The following HHAT variants were observed in gnomAD, a reference collection of about 807,000 sequenced individuals.
HHAT encodes the protein hedgehog acyltransferase, also known as protein-cysteine N-palmitoyltransferase HHAT.
HHAT carries 47 observed loss-of-function variants against 70.8 expected under a neutral mutation model. That is an observed-to-expected ratio of 0.66 (90% CI 0.53 to 0.85). The LOEUF (loss-of-function observed/expected upper bound fraction) is 0.85. Ranked by LOEUF, HHAT falls within the 40% of genes least tolerant of loss-of-function variation. The pLI, the probability that HHAT is intolerant of heterozygous loss-of-function variation, is 0.00. For missense variants in HHAT, 609 were observed against 604.8 expected (o/e 1.01, Z -0.07); for synonymous variants, 228 against 247.6 (o/e 0.92, Z 0.74).
At chr1:210,489,534 G>A (rs1332175857) in intron 8 of HHAT, among the ~76,000 whole-genome samples, 9 of 152,194 alleles carry the variant, frequency 5.9e-5, no homozygotes, top group African/African-American at 2.2e-4. Flanking sequence ...TCCCCACGTT[G>A]TTATTATTTT....
At chr1:210,468,037 TG>T (rs1229948947) in intron 8 of HHAT, among the ~76,000 whole-genome samples, 2 of 152,210 alleles carry the variant, frequency 1.3e-5, no homozygotes, top group African/African-American at 2.4e-5. Context: ...TAGAACCTGA[TG>T]GGTTTGTTTT....
At chr1:210,531,617 C>G (rs899821606) in intron 9 of HHAT, among the ~76,000 whole-genome samples, 1 of 152,152 alleles carries the variant, frequency 6.6e-6, no homozygotes, top group African/African-American at 2.4e-5. Flanking sequence ...GATAAATTTG[C>G]TAATGTATGT....
chr1:210,571,578 C>T (rs1242857345), intron 9 of HHAT, among the ~76,000 whole-genome samples: 1 of 152,190 alleles, frequency 6.6e-6, no homozygotes, highest in Non-Finnish European at 1.5e-5. Context: ...ATCTTCTCTG[C>T]CTGCCTTTCT....
chr1:210,363,273 C>G (rs916249915), intron 3 of HHAT, among the ~76,000 whole-genome samples: 2 of 152,214 alleles, frequency 1.3e-5, no homozygotes, highest in African/African-American at 2.4e-5. Flanking sequence ...GCAGGAACAT[C>G]TTCCTTCTGG....
chr1:210,409,944 A>C (rs2092468546), intron 6 of HHAT, among the ~76,000 whole-genome samples: 3 of 152,174 alleles, frequency 2.0e-5, no homozygotes, highest in Admixed American at 2.0e-4. Flanking sequence ...CTAGGTTTGA[A>C]ATGTCTTAAA....
intron 10 of HHAT, chr1:210,589,108 G>A (rs915226368): frequency 2.6e-5 from 4 of 152,174 alleles, no homozygotes; most frequent in Non-Finnish European, 4.4e-5. Flanking sequence ...CAGTGTTCAT[G>A]GCAGGCAATC....
chr1:210,501,257 G>A (rs1272627031), intron 8 of HHAT, among the ~76,000 whole-genome samples: 2 of 152,144 alleles, frequency 1.3e-5, no homozygotes, highest in Non-Finnish European at 1.5e-5. Flanking sequence ...TCTTATTTTG[G>A]CCCATAGACT....
At chr1:210,569,176 C>T (rs1479332276) in intron 9 of HHAT, among the ~76,000 whole-genome samples, 6 of 151,828 alleles carry the variant, frequency 4.0e-5, no homozygotes, top group Non-Finnish European at 8.8e-5. Flanking sequence ...GAGTTTGAGA[C>T]CAGCCTGGCC....
intron 10 of HHAT, among the ~76,000 whole-genome samples, chr1:210,614,834 C>G (rs1258249041): frequency 2.6e-5 from 4 of 152,152 alleles, no homozygotes; most frequent in Non-Finnish European, 5.9e-5. Context: ...GGGTTGGTTC[C>G]AAGTCTTTGC....
intron 1 of HHAT, among the ~76,000 whole-genome samples, chr1:210,341,567 C>T (rs138499333): frequency 4.3e-4 from 66 of 152,248 alleles, no homozygotes; most frequent in Non-Finnish European, 7.5e-4. Flanking sequence ...GTGGGTAGAT[C>T]GCTGCTTCTT....
chr1:210,508,126 G>A (rs567435608), intron 8 of HHAT, among the ~76,000 whole-genome samples: 86 of 150,424 alleles, frequency 5.7e-4, no homozygotes, highest in African/African-American at 1.9e-3. Flanking sequence ...TTGAACCTGG[G>A]AGGTGGAGGT....
At chr1:210,529,890 T>A (rs2095295821) in intron 9 of HHAT, among the ~76,000 whole-genome samples, 1 of 152,218 alleles carries the variant, frequency 6.6e-6, no homozygotes, top group Non-Finnish European at 1.5e-5. Context: ...ACATGTCCTT[T>A]AATAAATTCC....
chr1:210,665,285 G>T (rs1255372049), intron 11 of HHAT, among the ~76,000 whole-genome samples: 1 of 152,204 alleles, frequency 6.6e-6, no homozygotes, highest in Non-Finnish European at 1.5e-5. Context: ...ATTTGCAGAC[G>T]TAGGCTTTGA....
rs74158918 is a variant in HHAT at position 210,583,451 on chromosome 1, C to T, written c.1044-4447C>T. Among the ~76,000 whole-genome samples the T allele has an allele frequency of 6.4e-3, 970 of 152,212 alleles. 10 individuals are homozygous for T. Among genetic ancestry groups the T allele is most frequent in the African/African-American group, 0.022 (915 of 41,526 alleles). ...ATTGGGAAATCAATTTATTGTGCAG[C>T]AAATCTTAGTAAGCAGTTTCATACT... On this transcript the variant is annotated intron_variant, in intron 9 of 11. Coordinates refer to ENST00000261458, the MANE Select transcript of HHAT (RefSeq NM_018194.6).
At chr1:210,408,179 A>G (rs2148228771) in intron 6 of HHAT, among the ~76,000 whole-genome samples, 1 of 152,246 alleles carries the variant, frequency 6.6e-6, no homozygotes, top group Non-Finnish European at 1.5e-5. Flanking sequence ...TAAAGTGTTA[A>G]TTCTTACTCT....
intron 9 of HHAT, among the ~76,000 whole-genome samples, chr1:210,557,472 G>A (rs1301883638): frequency 6.6e-6 from 1 of 152,070 alleles, no homozygotes; most frequent in East Asian, 1.9e-4. Flanking sequence ...TGGTGAATCA[G>A]GCCAGTTACT....
chr1:210,404,623 T>A lies in HHAT; in HGVS notation c.628T>A (p.Tyr210Asn). The change falls in exon 6 of 12, where the codon TAT (tyrosine) becomes AAT (asparagine). Residue 210 changes from tyrosine (Y) to asparagine (N), a missense_variant. Coordinates refer to ENST00000261458, the MANE Select transcript of HHAT (RefSeq NM_018194.6). ...TCCCTGGATGCTGGCCTATGTCTTT[T>A]ATTATCCAGTCTTACACAATGGGCC... ...SFPWMLAYVF[Y>N]YPVLHNGPIL... 1 of 1,614,136 alleles carries A rather than the reference T, an allele frequency of 6.2e-7. No homozygotes were observed. Among genetic ancestry groups the A allele is most frequent in the South Asian group, 1.1e-5 (1 of 91,074 alleles).
intron 7 of HHAT, among the ~76,000 whole-genome samples, chr1:210,438,274 T>C (rs183378111): frequency 6.6e-6 from 1 of 151,950 alleles, no homozygotes; most frequent in African/African-American, 2.4e-5. Context: ...CTCTAGTTGA[T>C]AATGGACCAC....
chr1:210,386,753 C>T (rs1331414628), intron 3 of HHAT, among the ~76,000 whole-genome samples: 3 of 152,240 alleles, frequency 2.0e-5, no homozygotes, highest in Admixed American at 6.5e-5. Flanking sequence ...GGTTCCTAAG[C>T]GTCCACATGT....
Sources: gnomAD v4.1 joint callset for allele counts (sites outside exome capture counted in the v4.1 genomes callset) on GRCh38, gnomAD v4.1.1 for gene constraint, MANE v1.5 for transcripts, NCBI Gene and HGNC (gene_info 2026-07-23, HGNC 2026-07-21) for gene names.